The following RB1 variants were observed in gnomAD, a reference collection of about 807,000 sequenced individuals.
The protein encoded by RB1 is RB transcriptional corepressor 1, also known as retinoblastoma-associated protein.
RB1 carries 18 observed loss-of-function variants against 135.4 expected under a neutral mutation model. That is an observed-to-expected ratio of 0.13 (90% CI 0.09 to 0.20). RB1 has a LOEUF of 0.20. RB1 is among the 10% of genes least tolerant of loss of function. The probability of loss-of-function intolerance (pLI) is 1.00; values close to 1 mark genes in which losing one functional copy is unlikely to be tolerated. For missense variants in RB1, 868 were observed against 1,110.0 expected, an observed-to-expected ratio of 0.78 and a Z score of 3.10; for synonymous variants, 365 against 373.2, an observed-to-expected ratio of 0.98 and a Z score of 0.25.
rs59115458 is a variant in RB1, at chr13:48,451,738, ATT to A, written c.1696-1240_1696-1239del. Among the ~76,000 whole-genome samples the A allele has an allele frequency of 4.1e-3, 581 of 140,072 alleles. 2 individuals are homozygous for A. The highest frequency in any genetic ancestry group is 0.013 in the Admixed American group (186 of 14,196). The allele number at this position is 140,072 out of a possible 152,430, so 91.9% of individuals were successfully genotyped here. A position where few individuals can be genotyped will look rare whatever the true frequency, so the allele number is the denominator to read the frequency against. ...AGTTGTGAATGCATCTGATCCTGGGATTTTTTTTTTTTTTTTGGTTGGTAGGC... is the reference window on the plus strand; with the variant it reads ...AGTTGTGAATGCATCTGATCCTGGGATTTTTTTTTTTTTTGGTTGGTAGGC... On this transcript the variant is annotated intron_variant, in intron 17 of 26. Transcript: ENST00000267163.
Position 48,452,716 on chromosome 13 carries a change from C to T in RB1, c.1696-277C>T, listed in dbSNP as rs198574. On this transcript the variant is annotated intron_variant, in intron 17 of 26. Transcript: ENST00000267163. ...TTCATTTCTTTCTCTCCACTTTCTT[C>T]GTTTTTTTTCTGTCTTTCCTCCTAA... is the stretch of plus-strand genomic sequence containing the variant. 0.78 allele frequency among the ~76,000 whole-genome samples: 119,051 copies of T among 152,042 alleles called. 52,283 individuals carry two copies. The highest frequency in any genetic ancestry group is 0.97 in the Non-Finnish European group (65,980 of 67,980).
At chr13:48,436,808 G>T (rs944613029) in intron 17 of RB1, among the ~76,000 whole-genome samples, 5 of 152,124 alleles carry the variant, frequency 3.3e-5, no homozygotes, top group Admixed American at 3.3e-4. Context: ...CTCTTGCGAG[G>T]CAAAACAGTC....
intron 20 of RB1, among the ~76,000 whole-genome samples, chr13:48,463,151 C>T (rs1025044258): frequency 2.0e-5 from 3 of 152,118 alleles, no homozygotes; most frequent in Admixed American, 1.3e-4. Context: ...CTTATTTTTG[C>T]ATTTAAAATA....
rs1422763770 is a variant in RB1, at chr13:48,481,577, A to G, written c.*1506A>G. The G allele has an allele frequency of 4.3e-6, 1 of 230,562 alleles. No individual in the cohort carries two copies. The highest frequency in any genetic ancestry group is 8.6e-6 in the Non-Finnish European group (1 of 116,292). The allele number at this position is 230,562 out of a possible 1,614,324, so 14.3% of individuals were successfully genotyped here. On this transcript the variant is annotated 3_prime_UTR_variant, in exon 27 of 27. Coordinates refer to ENST00000267163, the MANE Select transcript of RB1 (RefSeq NM_000321.3). ...ACTTACTATTTTGACAGTTATTTTG[A>G]TAACAATGACACTAGAAAACTTGAC...
intron 18 of RB1, among the ~76,000 whole-genome samples, chr13:48,453,665 C>T (rs1418982791): frequency 1.3e-5 from 2 of 152,022 alleles, no homozygotes; most frequent in African/African-American, 4.8e-5. Flanking sequence ...AAGGACGTGC[C>T]CAGGAGAGAG....
At position 48,377,302 on chromosome 13, in the gene RB1, T is replaced by C. The variant is rs369906830; in HGVS notation, c.1332+268T>C. On this transcript the variant is annotated intron_variant, in intron 13 of 26. Transcript: ENST00000267163. The stretch of plus-strand genomic sequence containing the variant: ...TACAACTAAGAAAAAAATTGAAATC[T>C]TTGATATTAAATTTTTGATTTTGCT... Among the ~76,000 whole-genome samples, 16 of 152,304 alleles carry C rather than the reference T, an allele frequency of 1.1e-4. No homozygotes were observed. The East Asian group carries it at 1.3e-3, about 13-fold the overall frequency.
rs2138346141 is a variant in RB1, at chr13:48,465,341, C to T, written c.2462C>T (p.Thr821Ile). The change falls in exon 23 of 27, where the codon ACA becomes ATA. Residue 821 changes from threonine (T) to isoleucine (I), a missense_variant. Coordinates refer to ENST00000267163, the MANE Select transcript of RB1 (RefSeq NM_000321.3). Reference protein sequence around the residue: ...SPYKISEGLPTPTKMTPRSRI... With the variant: ...SPYKISEGLPIPTKMTPRSRI... ...TATAAAATTTCAGAAGGTCTGCCAA[C>T]ACCAACAAAAATGACTCCAAGATCA... 1 of 1,608,192 alleles carries T rather than the reference C, an allele frequency of 6.2e-7. No homozygotes were observed. Among genetic ancestry groups the T allele is most frequent in the African/African-American group, 1.3e-5 (1 of 74,862 alleles).
chr13:48,347,063 A>G (rs1401522143), intron 4 of RB1, among the ~76,000 whole-genome samples: 1 of 151,772 alleles, frequency 6.6e-6, no homozygotes, highest in Non-Finnish European at 1.5e-5. Flanking sequence ...GATGCTTCCA[A>G]GTTGTTTGCT....
At chr13:48,424,954 T>G (rs1408655692) in intron 17 of RB1, among the ~76,000 whole-genome samples, 1 of 151,866 alleles carries the variant, frequency 6.6e-6, no homozygotes, top group Non-Finnish European at 1.5e-5. Context: ...CTCAGAAGGC[T>G]AAGGCAGGAG....
chr13:48,331,012 C>CA (rs2138068498), intron 2 of RB1, among the ~76,000 whole-genome samples: 1 of 152,274 alleles, frequency 6.6e-6, no homozygotes, highest in Non-Finnish European at 1.5e-5. Flanking sequence ...TATACCACTT[C>CA]AACAGAATGA....
intron 17 of RB1, among the ~76,000 whole-genome samples, chr13:48,428,716 A>G (rs1236928456): frequency 1.3e-5 from 2 of 152,224 alleles, no homozygotes; most frequent in African/African-American, 4.8e-5. Context: ...CTTCATTTTT[A>G]GCTTCATCTT....
intron 17 of RB1, among the ~76,000 whole-genome samples, chr13:48,441,972 G>A (rs1257558642): frequency 6.6e-6 from 1 of 152,116 alleles, no homozygotes; most frequent in African/African-American, 2.4e-5. Flanking sequence ...TTGTCACTTA[G>A]CAGTACAAGC....
intron 3 of RB1, among the ~76,000 whole-genome samples, chr13:48,344,529 G>A (rs1593435335): frequency 1.3e-5 from 2 of 152,144 alleles, no homozygotes; most frequent in Non-Finnish European, 2.9e-5. Context: ...GTGAGGAAGT[G>A]TCTATGCTAA....
At chr13:48,412,287 A>G (rs550320758) in intron 17 of RB1, 2 of 1,613,974 alleles carry the variant, frequency 1.2e-6, no homozygotes, top group African/African-American at 1.3e-5. Flanking sequence ...TCGGACTTTG[A>G]GGACGCAGAT....
intron 2 of RB1, chr13:48,317,856 C>G: frequency 1.0e-5 from 4 of 393,398 alleles, no homozygotes; most frequent in South Asian, 8.7e-5. Flanking sequence ...CCCGCTCCTT[C>G]CTGCACAGCA....
chr13:48,317,492 A>G (rs1198205351), intron 2 of RB1: 2 of 453,366 alleles, frequency 4.4e-6, no homozygotes, highest in African/African-American at 4.1e-5. Context: ...CGGCTCCCGC[A>G]GCCCATGTGA....
At chr13:48,320,452 G>C (rs1721626121) in intron 2 of RB1, 2 of 901,970 alleles carry the variant, frequency 2.2e-6, no homozygotes, top group Non-Finnish European at 3.5e-6. Flanking sequence ...AGCAACCCCT[G>C]GAGTAGCGTT....
intron 7 of RB1, among the ~76,000 whole-genome samples, chr13:48,361,679 G>A (rs1478403287): frequency 6.6e-6 from 1 of 152,026 alleles, no homozygotes; most frequent in Non-Finnish European, 1.5e-5. Flanking sequence ...TTTACAGTTT[G>A]AATGAGAATC....
intron 17 of RB1, chr13:48,422,589 A>G (rs1949022871): frequency 6.6e-6 from 1 of 152,084 alleles, no homozygotes; most frequent in South Asian, 2.1e-4. Context: ...GATTTGAAAT[A>G]TAGTGTATCA....
Sources: gnomAD v4.1 joint callset for allele counts (sites outside exome capture counted in the v4.1 genomes callset) on GRCh38, gnomAD v4.1.1 for gene constraint, MANE v1.5 for transcripts, NCBI Gene and HGNC (gene_info 2026-07-23, HGNC 2026-07-21) for gene names.